The following SCUBE1 variants were observed in gnomAD, a reference collection of about 807,000 sequenced individuals.
SCUBE1 encodes the protein signal peptide, CUB domain and EGF like domain containing 1.
In SCUBE1, 59 loss-of-function variants were observed where a neutral mutation model predicts 124.4. That is an observed-to-expected ratio of 0.47 (90% CI 0.38 to 0.59). SCUBE1 has a LOEUF of 0.59. SCUBE1 is among the 20% of genes least tolerant of loss of function. The pLI is 0.00. For synonymous variants in SCUBE1, 545 were observed against 550.9 expected, an observed-to-expected ratio of 0.99 and a Z score of 0.15; for missense variants, 1,150 against 1,371.2, an observed-to-expected ratio of 0.84 and a Z score of 2.55.
Position 43,208,227 on chromosome 22 carries a change from G to A in SCUBE1, c.2582-3C>T, listed in dbSNP as rs1343130086. On this transcript the variant is annotated splice_region_variant and splice_polypyrimidine_tract_variant and intron_variant, in intron 19 of 21. Transcript: ENST00000360835. ...GGTGGTGATGGACGTGGGAGAGGCT[G>A]CGGGTGAAGCATCATTGCTGAGCTG... 3.7e-6 allele frequency: 6 copies of A among 1,613,606 alleles called. No homozygotes were observed. The South Asian group carries it at 4.4e-5, about 12-fold the overall frequency.
intron 6 of SCUBE1, among the ~76,000 whole-genome samples, chr22:43,254,810 A>G (rs181639866): frequency 1.2e-4 from 19 of 152,360 alleles, no homozygotes; most frequent in Middle Eastern, 3.4e-3. Flanking sequence ...TAGATGAGGA[A>G]GTCTGCTTTC....
chr22:43,303,201 C>A (rs772702526), intron 3 of SCUBE1, among the ~76,000 whole-genome samples: 1 of 152,270 alleles, frequency 6.6e-6, no homozygotes, highest in Non-Finnish European at 1.5e-5. Context: ...AATTGCCAGG[C>A]GGCTGTGCGG....
intron 3 of SCUBE1, among the ~76,000 whole-genome samples, chr22:43,313,020 C>T (rs1926225374): frequency 1.3e-5 from 2 of 152,192 alleles, no homozygotes; most frequent in Non-Finnish European, 1.5e-5. Flanking sequence ...GGGTAGGTCA[C>T]TTCCCCTCAC....
intron 5 of SCUBE1, among the ~76,000 whole-genome samples, chr22:43,261,473 A>G (rs896112221): frequency 1.3e-5 from 2 of 152,126 alleles, no homozygotes; most frequent in Non-Finnish European, 2.9e-5. Context: ...GTGGGTCCCC[A>G]GGGCCTTGGT....
In SCUBE1 at chr22:43,258,399, G is replaced by A. The variant is rs1406499663; in HGVS notation, c.611-64C>T. ...GAACAACAAAAACGGTTAGTTTGCC[G>A]GTGTTGGCGGCTGCCTTCAGGGTAT... On this transcript the variant is annotated intron_variant, in intron 5 of 21. Coordinates refer to ENST00000360835, the MANE Select transcript of SCUBE1 (RefSeq NM_173050.5). This position sits in a 1 kb window ranked among gnomAD's most constrained non-coding sequence, Gnocchi z 5.0. 2.3e-5 allele frequency: 29 copies of A among 1,248,170 alleles called. No individual in the cohort carries two copies. Among genetic ancestry groups the A allele is most frequent in the South Asian group, 7.2e-5 (6 of 83,546 alleles). 77.3% of individuals were successfully genotyped at this position (1,248,170 alleles called of 1,614,324 possible). A position where few individuals can be genotyped will look rare whatever the true frequency, so the allele number is the denominator to read the frequency against.
intron 10 of SCUBE1, among the ~76,000 whole-genome samples, chr22:43,226,560 G>A (rs575333359): frequency 6.6e-6 from 1 of 151,366 alleles, no homozygotes; most frequent in South Asian, 2.1e-4. Flanking sequence ...GGCAGCCTTC[G>A]GGCCATTCCA....
chr22:43,244,990 A>T (rs1389917889), intron 6 of SCUBE1, among the ~76,000 whole-genome samples: 1 of 152,168 alleles, frequency 6.6e-6, no homozygotes, highest in Non-Finnish European at 1.5e-5. Flanking sequence ...CTTCCGGCAG[A>T]TCTGGGGACC....
intron 3 of SCUBE1, among the ~76,000 whole-genome samples, chr22:43,295,399 C>T (rs912079649): frequency 6.6e-6 from 1 of 152,260 alleles, no homozygotes; most frequent in Non-Finnish European, 1.5e-5. Context: ...TATCCTTGCT[C>T]CTAGCAGCGG....
intron 7 of SCUBE1, 78 bp downstream of exon 7, chr22:43,238,760 G>GC: frequency 8.4e-7 from 1 of 1,196,214 alleles, no homozygotes; most frequent in Non-Finnish European, 1.3e-6. Flanking sequence ...CCAGCCCTGG[G>GC]CCCGGCTATG....
chr22:43,311,153 C>A (rs1183644407), intron 3 of SCUBE1, among the ~76,000 whole-genome samples: 1 of 152,180 alleles, frequency 6.6e-6, no homozygotes, highest in Non-Finnish European at 1.5e-5. Flanking sequence ...TGTCACCCTG[C>A]CCCCATCACT....
At chr22:43,232,524 T>A (rs1052284984) in intron 7 of SCUBE1, 2 of 152,854 alleles carry the variant, frequency 1.3e-5, no homozygotes, top group Non-Finnish European at 2.9e-5. Flanking sequence ...AAAAGGTAAG[T>A]GGGGAGCTGG....
At chr22:43,242,523 C>A (rs1312193681) in intron 6 of SCUBE1, among the ~76,000 whole-genome samples, 1 of 152,254 alleles carries the variant, frequency 6.6e-6, no homozygotes, top group Non-Finnish European at 1.5e-5. Flanking sequence ...CCTCCTCACC[C>A]ATGGGCCTTC....
chr22:43,268,639 T>G (rs1191450893), intron 4 of SCUBE1, among the ~76,000 whole-genome samples: 1 of 152,246 alleles, frequency 6.6e-6, no homozygotes, highest in African/African-American at 2.4e-5. Context: ...CCTTCACCCC[T>G]GAACCTCGGT....
At chr22:43,324,802 G>T (rs975385515) in intron 2 of SCUBE1, among the ~76,000 whole-genome samples, 3 of 151,524 alleles carry the variant, frequency 2.0e-5, no homozygotes, top group African/African-American at 4.9e-5. Context: ...ACAGAGCACA[G>T]CTCTATGGAT....
chr22:43,337,115 C>T (rs1015488542), intron 2 of SCUBE1, among the ~76,000 whole-genome samples: 1 of 152,174 alleles, frequency 6.6e-6, no homozygotes, highest in Admixed American at 6.5e-5. Context: ...CCTCTTGTCT[C>T]ATCTTCATAC....
At chr22:43,219,845 C>T (rs1241393639) in intron 14 of SCUBE1, among the ~76,000 whole-genome samples, 4 of 142,734 alleles carry the variant, frequency 2.8e-5, no homozygotes, top group Admixed American at 6.9e-5. Context: ...GTTCTTGTGC[C>T]CCCACCACCG....
chr22:43,329,763 C>G (rs138904613), intron 2 of SCUBE1, among the ~76,000 whole-genome samples: 19 of 152,364 alleles, frequency 1.2e-4, no homozygotes, highest in Middle Eastern at 3.4e-3. Flanking sequence ...CTTGCCCGTT[C>G]ACACAAGGCC....
chr22:43,206,049 A>C, intron 21 of SCUBE1, among the ~76,000 whole-genome samples: 1 of 120,648 alleles, frequency 8.3e-6, no homozygotes, highest in African/African-American at 3.2e-5. Flanking sequence ...ACTCACCCCC[A>C]CACACACCAC....
Position 43,210,915 on chromosome 22 carries a change from C to T in SCUBE1, c.2383+7G>A. On this transcript the variant is annotated splice_region_variant and intron_variant, in intron 18 of 21. Coordinates refer to ENST00000360835, the MANE Select transcript of SCUBE1 (RefSeq NM_173050.5). The surrounding 1 kb of genome is among the most constrained non-coding windows in gnomAD (Gnocchi z 4.5). Reference sequence around the variant, plus strand: ...CCAGCTTCCCACGGCAGAGCAGCAGCACCCACTTTTGCAGTGTGTGACGTT... The same window carrying T: ...CCAGCTTCCCACGGCAGAGCAGCAGTACCCACTTTTGCAGTGTGTGACGTT... 6.2e-7 allele frequency: 1 copy of T among 1,613,950 alleles called. No individual in the cohort carries two copies. Among genetic ancestry groups the T allele is most frequent in the Non-Finnish European group, 8.5e-7 (1 of 1,179,940 alleles).
Sources: allele counts gnomAD v4.1 joint callset (sites outside exome capture counted in the v4.1 genomes callset), GRCh38; gene constraint gnomAD v4.1.1; non-coding constraint Gnocchi (gnomAD v3.1); transcripts MANE v1.5; gene names NCBI Gene and HGNC (gene_info 2026-07-23, HGNC 2026-07-21).